The following TRIM56 variants were observed in gnomAD, a reference collection of about 807,000 sequenced individuals.
TRIM56 encodes the protein E3 ubiquitin-protein ligase TRIM56.
TRIM56 carries 10 observed loss-of-function variants against 17.1 expected under a neutral mutation model. That is an observed-to-expected ratio of 0.58 (90% CI 0.36 to 0.99). The LOEUF is 0.99. Ranked by LOEUF, TRIM56 falls within the 50% of genes least tolerant of loss-of-function variation. The probability of loss-of-function intolerance (pLI) is 0.01; values close to 1 mark genes in which losing one functional copy is unlikely to be tolerated. For missense variants in TRIM56, 923 were observed against 1,052.3 expected (o/e 0.88, Z 1.70); for synonymous variants, 503 against 473.5 (o/e 1.06, Z -0.81).
Position 101,093,340 on chromosome 7 carries a change from T to TAAAAAAAAAAAAAA in TRIM56, c.*3766_*3779dup, listed in dbSNP as rs576426651. 1.1e-5 allele frequency: 1 copy of TAAAAAAAAAAAAAA among 90,880 alleles called. No individual in the cohort carries two copies. Among genetic ancestry groups the TAAAAAAAAAAAAAA allele is most frequent in the Non-Finnish European group, 2.6e-5 (1 of 39,148 alleles). 5.6% of individuals were successfully genotyped at this position (90,880 alleles called of 1,614,324 possible). ...CACCCAAGAATGATCAATAAAAAAT[T>TAAAAAAAAAAAAAA]AAAAAAAAAAAAAAAAAAAGAAAAC... On this transcript the variant is annotated 3_prime_UTR_variant, in exon 3 of 3. Coordinates refer to ENST00000306085, the MANE Select transcript of TRIM56 (RefSeq NM_030961.3).
At chr7:101,085,789 C>T (rs1418425861) in intron 1 of TRIM56, among the ~76,000 whole-genome samples, 1 of 152,190 alleles carries the variant, frequency 6.6e-6, no homozygotes, top group Non-Finnish European at 1.5e-5. Context: ...GTCCCACTCT[C>T]TGAGGTCTCC....
At chr7:101,086,560 CAAAAAAAAAAAA>C (rs768912765) in intron 1 of TRIM56, among the ~76,000 whole-genome samples, 1,457 of 39,160 alleles carry the variant, frequency 0.037, 41 homozygotes, top group African/African-American at 0.12. Context: ...GACTCTGTCT[CAAAAAAAAAAAA>C]AAAAAAAAAA....
In TRIM56 at chr7:101,094,197, A is replaced by C. The variant is rs1186036883; in HGVS notation, c.*4617A>C. 1 of 152,228 alleles carries C rather than the reference A, an allele frequency of 6.6e-6. No homozygotes were observed. The highest frequency in any genetic ancestry group is 1.9e-4 in the East Asian group (1 of 5,206). The allele number at this position is 152,228 out of a possible 1,614,324, so 9.4% of individuals were successfully genotyped here. A position where few individuals can be genotyped will look rare whatever the true frequency, so the allele number is the denominator to read the frequency against. On this transcript the variant is annotated 3_prime_UTR_variant, in exon 3 of 3. Coordinates refer to ENST00000306085, the MANE Select transcript of TRIM56 (RefSeq NM_030961.3). Reference sequence around the variant, plus strand: ...ATGACAACTATGAAAACTATTGAGAAGAAATAGTTACGTGATACAGTCATA... The same window carrying C: ...ATGACAACTATGAAAACTATTGAGACGAAATAGTTACGTGATACAGTCATA...
chr7:101,088,832 C>A lies in TRIM56; in HGVS notation c.1520C>A (p.Ser507Tyr), dbSNP rs1795507897. The change falls in exon 3 of 3, where the codon TCC becomes TAC. Residue 507 changes from serine (S) to tyrosine (Y), a missense_variant. By Grantham distance (144) the Ser-to-Tyr change is moderately radical. This residue lies in a region of TRIM56 where 643 missense variants were observed against 665.6 expected (regional missense o/e 0.97). Transcript: ENST00000306085. ...FPTRMPGDKR[S>Y]PRITGLCPFG... ...ACGCGGATGCCTGGAGACAAGCGGT[C>A]CCCCCGGATCACCGGGCTCTGTCCC... 6.2e-7 allele frequency: 1 copy of A among 1,613,658 alleles called. No homozygotes were observed. Among genetic ancestry groups the A allele is most frequent in the Non-Finnish European group, 8.5e-7 (1 of 1,180,030 alleles).
rs912344229 is a variant in TRIM56, at chr7:101,097,010, T to A, written c.*7430T>A. ...CAAGAGTGGCCCAATCTTTTGAGAG[T>A]TTAGAGAAAATATCATTTGGAAAGG... On this transcript the variant is annotated 3_prime_UTR_variant, in exon 3 of 3. Transcript: ENST00000306085. 1 of 152,046 alleles carries A rather than the reference T, an allele frequency of 6.6e-6. No homozygotes were observed. Among genetic ancestry groups the A allele is most frequent in the African/African-American group, 2.4e-5 (1 of 41,388 alleles). 9.4% of individuals were successfully genotyped at this position (152,046 alleles called of 1,614,324 possible). A position where few individuals can be genotyped will look rare whatever the true frequency, so the allele number is the denominator to read the frequency against.
chr7:101,088,289 G>C lies in TRIM56; in HGVS notation c.977G>C (p.Gly326Ala). Residue 326 changes from glycine (G) to alanine (A), a missense_variant, in exon 3 of 3, where the codon GGG (glycine) becomes GCG (alanine). Gly to Ala is a moderately conservative substitution (Grantham distance 60, BLOSUM62 0). Coordinates refer to ENST00000306085, the MANE Select transcript of TRIM56 (RefSeq NM_030961.3). ...GREAEILSLE[G>A]AIAQRLRQLQ... ...GAGGCCGAGATCCTCTCCCTGGAAG[G>C]GGCGATCGCACAGCGGCTCAGGCAG... is the stretch of plus-strand genomic sequence containing the variant. The C allele has an allele frequency of 6.6e-7, 1 of 1,521,930 alleles. No individual in the cohort carries two copies. The highest frequency in any genetic ancestry group is 8.8e-7 in the Non-Finnish European group (1 of 1,140,334). 94.3% of individuals were successfully genotyped at this position (1,521,930 alleles called of 1,614,324 possible).
intron 2 of TRIM56, 34 bp from the exon 3 acceptor site, chr7:101,087,278 T>C: frequency 6.3e-7 from 1 of 1,577,490 alleles, no homozygotes; most frequent in South Asian, 1.1e-5. Context: ...TGAAGGTGCC[T>C]TCTCAACTCT....
Position 101,089,675 on chromosome 7 carries a change from G to A in TRIM56, c.*95G>A. 7.8e-7 allele frequency: 1 copy of A among 1,276,836 alleles called. No individual in the cohort carries two copies. 79.1% of individuals were successfully genotyped at this position (1,276,836 alleles called of 1,614,324 possible). A position where few individuals can be genotyped will look rare whatever the true frequency, so the allele number is the denominator to read the frequency against. Reference sequence around the variant, plus strand: ...AGGTGGAGGCCGAGGACATTTTCCTGAAGGGCAGGGGTTGGCAACTTTTCA... The same window carrying A: ...AGGTGGAGGCCGAGGACATTTTCCTAAAGGGCAGGGGTTGGCAACTTTTCA... On this transcript the variant is annotated 3_prime_UTR_variant, in exon 3 of 3. Transcript: ENST00000306085.
chr7:101,089,181 G>A lies in TRIM56; in HGVS notation c.1869G>A (p.Arg623=). Residue 623 remains arginine, a synonymous_variant, in exon 3 of 3, where the codon CGG becomes CGA. Coordinates refer to ENST00000306085, the MANE Select transcript of TRIM56 (RefSeq NM_030961.3). ...ATATGGAAGGCAGCCTGGCCACCCG[G>A]TTCATTCCTGGAGGCAAGGCCAGCC... ...VYNMEGSLAT[R]FIPGGKASRG... The A allele has an allele frequency of 1.2e-6, 2 of 1,613,166 alleles. No individual in the cohort carries two copies. Among genetic ancestry groups the A allele is most frequent in the Non-Finnish European group, 1.7e-6 (2 of 1,179,750 alleles).
Position 101,093,115 on chromosome 7 carries a change from G to C in TRIM56, c.*3535G>C. The stretch of plus-strand genomic sequence containing the variant: ...TTAAGGGCGGTGCAAGATGTGCTTT[G>C]TTAAACAGATGCTTGAAGGCAGCAT... On this transcript the variant is annotated 3_prime_UTR_variant, in exon 3 of 3. Coordinates refer to ENST00000306085, the MANE Select transcript of TRIM56 (RefSeq NM_030961.3). 6.1e-6 allele frequency: 1 copy of C among 164,868 alleles called. No individual in the cohort carries two copies. Among genetic ancestry groups the C allele is most frequent in the South Asian group, 1.3e-4 (1 of 7,446 alleles). 10.2% of individuals were successfully genotyped at this position (164,868 alleles called of 1,614,324 possible). A position where few individuals can be genotyped will look rare whatever the true frequency, so the allele number is the denominator to read the frequency against.
rs896684215 is a variant in TRIM56, at chr7:101,087,072, TGGAGGAGGAGGA to T, written c.-93_-82del. The T allele has an allele frequency of 3.8e-6, 2 of 531,026 alleles. No individual in the cohort carries two copies. Among genetic ancestry groups the T allele is most frequent in the African/African-American group, 3.8e-5 (2 of 52,350 alleles). The allele number at this position is 531,026 out of a possible 1,614,324, so 32.9% of individuals were successfully genotyped here. The stretch of plus-strand genomic sequence containing the variant: ...CGTTTGCTGGATGTACACACGGAAG[TGGAGGAGGAGGA>T]GGAGAAGGAGGAGGGCAGCTCCTTA... On this transcript the variant is annotated 5_prime_UTR_variant, in exon 2 of 3. Coordinates refer to ENST00000306085, the MANE Select transcript of TRIM56 (RefSeq NM_030961.3).
Position 101,087,647 on chromosome 7 carries a change from C to T in TRIM56, c.335C>T (p.Thr112Ile). ...TGTCCCCTGGTGGGTGGCACCAGCA[C>T]CGGGGGGCCGGCCACGGCCCGGTGC... ...ALCPLVGGTS[T>I]GGPATARCLD... The change falls in exon 3 of 3, where the codon ACC becomes ATC. Residue 112 changes from threonine (T) to isoleucine (I), a missense_variant. Physicochemically the swap from Thr to Ile is moderately conservative, Grantham distance 89 (BLOSUM62 -1). Transcript: ENST00000306085. 6.2e-7 allele frequency: 1 copy of T among 1,607,952 alleles called. No homozygotes were observed. Among genetic ancestry groups the T allele is most frequent in the Non-Finnish European group, 8.5e-7 (1 of 1,177,802 alleles).
Position 101,096,977 on chromosome 7 carries a change from A to G in TRIM56, c.*7397A>G, listed in dbSNP as rs1795661450. The G allele has an allele frequency of 1.3e-5, 2 of 152,230 alleles. No homozygotes were observed. Among genetic ancestry groups the G allele is most frequent in the Admixed American group, 1.3e-4 (2 of 15,276 alleles). The allele number at this position is 152,230 out of a possible 1,614,324, so 9.4% of individuals were successfully genotyped here. A position where few individuals can be genotyped will look rare whatever the true frequency, so the allele number is the denominator to read the frequency against. ...TAAGAGTAGACATTTAGAAAAAGTGAAAAATGGCAAGAGTGGCCCAATCTT... is the reference window on the plus strand; with the variant it reads ...TAAGAGTAGACATTTAGAAAAAGTGGAAAATGGCAAGAGTGGCCCAATCTT... On this transcript the variant is annotated 3_prime_UTR_variant, in exon 3 of 3. Transcript: ENST00000306085.
Position 101,089,095 on chromosome 7 carries a change from G to T in TRIM56, c.1783G>T (p.Ala595Ser), listed in dbSNP as rs74927431. The T allele has an allele frequency of 5.0e-6, 8 of 1,599,324 alleles. No individual in the cohort carries two copies. Among genetic ancestry groups the T allele is most frequent in the Non-Finnish European group, 8.5e-7 (1 of 1,174,876 alleles). Residue 595 changes from alanine to serine, a missense_variant, in exon 3 of 3, where the codon GCG becomes TCG. Physicochemically the swap from Ala to Ser is moderately conservative, Grantham distance 99. Coordinates refer to ENST00000306085, the MANE Select transcript of TRIM56 (RefSeq NM_030961.3). The part of the protein sequence containing the change: ...LSLSQASHAV[A>S]ALPSGDRVAV... ...CCTCTCCCAGGCCAGCCACGCGGTG[G>T]CGGCACTGCCTAGCGGGGACCGCGT... is the stretch of plus-strand genomic sequence containing the variant.
rs1292040245 is a variant in TRIM56, at chr7:101,087,681, T to C, written c.369T>C (p.Cys123=). The change falls in exon 3 of 3, where the codon TGT becomes TGC. Residue 123 remains cysteine (C), a synonymous_variant. Transcript: ENST00000306085. ...CGGCCACGGCCCGGTGCCTGGACTG[T>C]GCCGATGACTTGTGCCAGGCCTGTG... ...GGPATARCLD[C]ADDLCQACAD... The C allele has an allele frequency of 1.9e-6, 3 of 1,594,944 alleles. No individual in the cohort carries two copies. The East Asian group carries it at 6.7e-5, about 36-fold the overall frequency.
chr7:101,089,428 G>A lies in TRIM56; in HGVS notation c.2116G>A (p.Asp706Asn), dbSNP rs1795525637. The change falls in exon 3 of 3, where the codon GAC (aspartate) becomes AAC (asparagine). Residue 706 changes from aspartate to asparagine, a missense_variant. Physicochemically the swap from Asp to Asn is conservative, Grantham distance 23. This residue lies in a region of TRIM56 where 182 missense variants were observed against 243.1 expected (regional missense o/e 0.75). Transcript: ENST00000306085. ...AGAAGTCAACAAGGTGGTGATCCTG[G>A]ACCCGAAGGGGTCCCTCCTTGGAGA... ...LREVNKVVIL[D>N]PKGSLLGDFL... The A allele has an allele frequency of 1.9e-5, 30 of 1,614,148 alleles. No individual in the cohort carries two copies. Among genetic ancestry groups the A allele is most frequent in the Non-Finnish European group, 2.5e-5 (29 of 1,179,980 alleles).
At chr7:101,087,221 A>G (rs1352087016) in intron 2 of TRIM56, 53 bp downstream of exon 2, 1 of 1,226,750 alleles carries the variant, frequency 8.2e-7, no homozygotes, top group Non-Finnish European at 1.2e-6. Flanking sequence ...AGCCCTGGGG[A>G]TCCGTGGGGC....
At chr7:101,087,213 C>T (rs1198308309) in intron 2 of TRIM56, 45 bp downstream of exon 2, 2 of 1,155,696 alleles carry the variant, frequency 1.7e-6, no homozygotes, top group East Asian at 4.7e-5. Context: ...CAGCCCCTAG[C>T]CCTGGGGATC....
rs1179699502 is a variant in TRIM56 at position 101,088,742 on chromosome 7, C to A, written c.1430C>A (p.Ala477Asp). 2 of 1,614,064 alleles carry A rather than the reference C, an allele frequency of 1.2e-6. No homozygotes were observed. Among genetic ancestry groups the A allele is most frequent in the Admixed American group, 3.3e-5 (2 of 60,024 alleles). ...TCAATTTCCCGGGAGCCCAGCCCAG[C>A]CCTGGGGCCGAATCTGGACGGCTCT... is the stretch of plus-strand genomic sequence containing the variant. ...LKSISREPSPALGPNLDGSGL... is the reference protein window; with the variant it reads ...LKSISREPSPDLGPNLDGSGL... The change falls in exon 3 of 3, where the codon GCC (alanine) becomes GAC (aspartate). Residue 477 changes from alanine to aspartate, a missense_variant. Ala to Asp is a moderately radical substitution (Grantham distance 126, BLOSUM62 -2). Coordinates refer to ENST00000306085, the MANE Select transcript of TRIM56 (RefSeq NM_030961.3).
Sources: gnomAD v4.1 joint callset for allele counts (sites outside exome capture counted in the v4.1 genomes callset) on GRCh38, gnomAD v4.1.1 for gene constraint, gnomAD v4.1.1 regional missense constraint, MANE v1.5 for transcripts, NCBI Gene and HGNC (gene_info 2026-07-23, HGNC 2026-07-21) for gene names.